The following NRXN3 variants were observed in gnomAD, a reference collection of about 807,000 sequenced individuals.
NRXN3 encodes neurexin III.
Under a neutral mutation model 137.6 loss-of-function variants are expected in NRXN3, and 32 were observed. That is an observed-to-expected ratio of 0.23 (90% CI 0.18 to 0.31). The LOEUF (loss-of-function observed/expected upper bound fraction) is 0.31. Among genes scored for constraint, NRXN3 ranks in the 10% least tolerant of loss-of-function variants. The pLI is 1.00. For synonymous variants in NRXN3, 798 were observed against 784.5 expected (o/e 1.02, Z -0.29); for missense variants, 1,574 against 2,062.5 (o/e 0.76, Z 4.59).
intron 4 of NRXN3, among the ~76,000 whole-genome samples, chr14:78,328,123 G>C (rs2080329069): frequency 6.6e-6 from 1 of 152,188 alleles, no homozygotes; most frequent in Non-Finnish European, 1.5e-5. Context: ...ACACACAGGG[G>C]ATGGGGTGGG....
chr14:79,105,281 A>G (rs775192332), intron 15 of NRXN3, among the ~76,000 whole-genome samples: 6 of 152,158 alleles, frequency 3.9e-5, no homozygotes, highest in Non-Finnish European at 7.3e-5. Flanking sequence ...TATTATCTCT[A>G]CAAACCATCT....
At chr14:78,662,861 T>C (rs1357670980) in intron 6 of NRXN3, among the ~76,000 whole-genome samples, 2 of 152,208 alleles carry the variant, frequency 1.3e-5, no homozygotes, top group African/African-American at 4.8e-5. Context: ...AATTTATCTT[T>C]ACTCAGTCCT....
chr14:79,193,903 A>G (rs2064775551), intron 15 of NRXN3, among the ~76,000 whole-genome samples: 1 of 152,254 alleles, frequency 6.6e-6, no homozygotes, highest in South Asian at 2.1e-4. Context: ...AATTTATTCT[A>G]AGACTGCAAT....
chr14:79,038,915 G>A (rs1392039396), intron 15 of NRXN3, among the ~76,000 whole-genome samples: 1 of 152,040 alleles, frequency 6.6e-6, no homozygotes, highest in East Asian at 1.9e-4. Flanking sequence ...TTATTTCAAC[G>A]AGTGGCTAAG....
chr14:79,145,403 C>T (rs1424815525), intron 15 of NRXN3, among the ~76,000 whole-genome samples: 10 of 152,156 alleles, frequency 6.6e-5, no homozygotes, highest in Non-Finnish European at 1.5e-4. Flanking sequence ...GTTCTACAAT[C>T]TCTAGTCCAC....
chr14:78,571,573 A>T (rs1035335391), intron 4 of NRXN3, among the ~76,000 whole-genome samples: 2 of 152,178 alleles, frequency 1.3e-5, no homozygotes, highest in Admixed American at 1.3e-4. Context: ...GTTCAACTTA[A>T]CAAATATTGA....
intron 6 of NRXN3, among the ~76,000 whole-genome samples, chr14:78,661,057 C>G (rs775555836): frequency 3.3e-5 from 5 of 152,080 alleles, no homozygotes; most frequent in Non-Finnish European, 4.4e-5. Flanking sequence ...TTTTGAGGAA[C>G]GCTAGTGAAT....
intron 15 of NRXN3, among the ~76,000 whole-genome samples, chr14:79,038,663 G>T (rs1292409388): frequency 6.6e-6 from 1 of 152,036 alleles, no homozygotes; most frequent in Non-Finnish European, 1.5e-5. Context: ...TGAATGACTG[G>T]CTTCATCTTC....
chr14:79,735,041 G>T (rs982650598), intron 19 of NRXN3, among the ~76,000 whole-genome samples: 1 of 152,114 alleles, frequency 6.6e-6, no homozygotes, highest in African/African-American at 2.4e-5. Context: ...TACTTGGTAG[G>T]GGGGAATGTA....
intron 10 of NRXN3, among the ~76,000 whole-genome samples, chr14:78,878,639 A>G (rs1473375572): frequency 2.0e-5 from 3 of 152,216 alleles, no homozygotes; most frequent in East Asian, 3.8e-4. Flanking sequence ...TGAAATATGT[A>G]TACACTAGAA....
At chr14:78,374,278 C>A (rs1285135476) in intron 4 of NRXN3, among the ~76,000 whole-genome samples, 1 of 152,102 alleles carries the variant, frequency 6.6e-6, no homozygotes, top group Non-Finnish European at 1.5e-5. Flanking sequence ...GTACTCCAAG[C>A]AAATCTTTAG....
intron 15 of NRXN3, among the ~76,000 whole-genome samples, chr14:79,259,281 T>A (rs538516383): frequency 6.6e-6 from 1 of 152,312 alleles, no homozygotes; most frequent in African/African-American, 2.4e-5. Context: ...TATCTGCTGT[T>A]TACAGCTATG....
intron 8 of NRXN3, among the ~76,000 whole-genome samples, chr14:78,721,938 C>T (rs1412264920): frequency 6.8e-6 from 1 of 146,678 alleles, no homozygotes; most frequent in African/African-American, 2.5e-5. Flanking sequence ...GATTCAGCCT[C>T]TTTTTTTTTT....
intron 17 of NRXN3, among the ~76,000 whole-genome samples, chr14:79,679,448 A>G (rs1208270554): frequency 6.6e-6 from 1 of 152,178 alleles, no homozygotes; most frequent in African/African-American, 2.4e-5. Context: ...TATGTCTCAA[A>G]TGTTATAAAG....
chr14:79,236,941 A>C (rs1055072108), intron 15 of NRXN3, among the ~76,000 whole-genome samples: 3 of 152,042 alleles, frequency 2.0e-5, no homozygotes, highest in Non-Finnish European at 4.4e-5. Flanking sequence ...AAAGTGTGTT[A>C]GATCTGCATA....
chr14:78,218,184 C>CTGGTTTTTTT (rs2063483862), intron 1 of NRXN3, among the ~76,000 whole-genome samples: 2 of 151,944 alleles, frequency 1.3e-5, no homozygotes, highest in Admixed American at 6.6e-5. Context: ...ATAGCAAGAC[C>CTGGTTTTTTT]CTGTCTCTAC....
At chr14:79,593,222 A>G (rs1193832260) in intron 16 of NRXN3, among the ~76,000 whole-genome samples, 1 of 152,176 alleles carries the variant, frequency 6.6e-6, no homozygotes, top group Non-Finnish European at 1.5e-5. Flanking sequence ...AGAAGACACT[A>G]TTTTTACAAT....
chr14:79,676,302 C>T (rs1241162228), intron 17 of NRXN3, among the ~76,000 whole-genome samples: 1 of 151,412 alleles, frequency 6.6e-6, no homozygotes, highest in Non-Finnish European at 1.5e-5. Context: ...GTGCATATGC[C>T]TAAAACCATG....
intron 16 of NRXN3, among the ~76,000 whole-genome samples, chr14:79,578,413 A>T (rs2097685162): frequency 6.6e-6 from 1 of 152,110 alleles, no homozygotes; most frequent in Admixed American, 6.5e-5. Context: ...GATTGCCCAT[A>T]TATATATAGC....
Sources: gnomAD v4.1 joint callset for allele counts (sites outside exome capture counted in the v4.1 genomes callset) on GRCh38, gnomAD v4.1.1 for gene constraint, MANE v1.5 for transcripts, NCBI Gene and HGNC (gene_info 2026-07-23, HGNC 2026-07-21) for gene names.